The following SLC12A6 variants were observed in gnomAD, a reference collection of about 807,000 sequenced individuals.
SLC12A6 encodes K-Cl cotransporter 3.
A neutral mutation model predicts 135.3 loss-of-function variants in SLC12A6; 66 were observed. The observed-to-expected ratio is 0.49, with a 90% CI of 0.40 to 0.60. The LOEUF is 0.60. SLC12A6 is among the 20% of genes least tolerant of loss of function. SLC12A6 has a pLI of 0.00. For synonymous variants in SLC12A6, 513 were observed against 508.8 expected, an observed-to-expected ratio of 1.01 and a Z score of -0.11; for missense variants, 1,058 against 1,452.3, an observed-to-expected ratio of 0.73 and a Z score of 4.41.
At position 34,290,339 on chromosome 15, in the gene SLC12A6, G is replaced by A. The variant is rs28817583; in HGVS notation, c.272-14950C>T. Among the ~76,000 whole-genome samples the A allele has an allele frequency of 5.9e-3, 899 of 152,316 alleles. 13 individuals carry two copies. Among genetic ancestry groups the A allele is most frequent in the African/African-American group, 0.02 (849 of 41,550 alleles). Reference sequence around the variant, plus strand: ...TTAATTTGATTGCACTGTGGTCTGAGAGACAGTTTGTTGTGATTTCTGTTT... The same window carrying A: ...TTAATTTGATTGCACTGTGGTCTGAAAGACAGTTTGTTGTGATTTCTGTTT... On this transcript the variant is annotated intron_variant, in intron 2 of 25. Coordinates refer to ENST00000354181, the MANE Select transcript of SLC12A6 (RefSeq NM_001365088.1).
At chr15:34,327,404 C>T (rs746551409) in intron 2 of SLC12A6, among the ~76,000 whole-genome samples, 3 of 152,152 alleles carry the variant, frequency 2.0e-5, no homozygotes, top group Admixed American at 6.5e-5. Context: ...CAGTGGCTCA[C>T]GCCTGTAATC....
chr15:34,316,470 A>T (rs934819078), intron 2 of SLC12A6, among the ~76,000 whole-genome samples: 8 of 152,178 alleles, frequency 5.3e-5, no homozygotes, highest in African/African-American at 1.9e-4. Flanking sequence ...TTAACCTTAT[A>T]ATAAAGGCAA....
At chr15:34,290,835 T>C (rs1481406864) in intron 2 of SLC12A6, among the ~76,000 whole-genome samples, 1 of 152,234 alleles carries the variant, frequency 6.6e-6, no homozygotes, top group Non-Finnish European at 1.5e-5. Flanking sequence ...ATTTCCTTGG[T>C]AGATCTTCCT....
intron 2 of SLC12A6, among the ~76,000 whole-genome samples, chr15:34,312,649 G>C (rs896746539): frequency 1.3e-5 from 2 of 152,180 alleles, no homozygotes; most frequent in Non-Finnish European, 2.9e-5. Context: ...AAATTAAGCA[G>C]GGTTCTAATA....
rs990307667 is a variant in SLC12A6, at chr15:34,326,682, C to T, written c.271+9728G>A. ...AATCTAAGTTATTCAGAGAATATGT[C>T]ATTTTATTACTTTTTTTTTTTTTTT... is the stretch of plus-strand genomic sequence containing the variant. On this transcript the variant is annotated intron_variant, in intron 2 of 25. Transcript: ENST00000354181. Among the ~76,000 whole-genome samples, 21 of 119,952 alleles carry T rather than the reference C, an allele frequency of 1.8e-4. 1 individual carries two copies. The Admixed American group carries it at 2.2e-3, about 13-fold the overall frequency. The allele number at this position is 119,952 out of a possible 152,430, so 78.7% of individuals were successfully genotyped here.
intron 2 of SLC12A6, among the ~76,000 whole-genome samples, chr15:34,325,642 T>G (rs949812477): frequency 3.3e-5 from 5 of 152,156 alleles, no homozygotes; most frequent in Non-Finnish European, 5.9e-5. Context: ...TATAAATATA[T>G]AAAAGACATT....
intron 2 of SLC12A6, among the ~76,000 whole-genome samples, chr15:34,289,109 C>A (rs1401408711): frequency 6.6e-6 from 1 of 152,132 alleles, no homozygotes; most frequent in Non-Finnish European, 1.5e-5. Context: ...CAGTATGATA[C>A]TGGCTGTGGG....
intron 3 of SLC12A6, among the ~76,000 whole-genome samples, chr15:34,261,779 T>C (rs887428771): frequency 2.0e-5 from 3 of 152,236 alleles, no homozygotes; most frequent in Non-Finnish European, 2.9e-5. Flanking sequence ...AAGTTTTGAT[T>C]TGCATTTCTC....
rs17236798 is a variant in SLC12A6, at chr15:34,250,671, C to T, written c.1551G>A (p.Pro517=). The stretch of plus-strand genomic sequence containing the variant: ...TCAGGATGGCAAGGATAGTACCAAT[C>T]GGAATAGACTTCTGAGCATCTTTCA... ...GDLKDAQKSI[P]IGTILAILTT... is the part of the protein sequence containing the mutation. The change falls in exon 12 of 26, where the codon CCG becomes CCA. Residue 517 remains proline, a synonymous_variant. Transcript: ENST00000354181. 7.8e-5 allele frequency: 125 copies of T among 1,603,500 alleles called. No individual in the cohort carries two copies. The highest frequency in any genetic ancestry group is 3.8e-4 in the East Asian group (17 of 44,806).
chr15:34,310,799 TG>T, intron 2 of SLC12A6, among the ~76,000 whole-genome samples: 1 of 126,442 alleles, frequency 7.9e-6, no homozygotes, highest in East Asian at 2.6e-4. Flanking sequence ...TGTGTGTGTG[TG>T]TGTGTGTGTG....
At chr15:34,331,895 A>C (rs1889875328) in intron 2 of SLC12A6, among the ~76,000 whole-genome samples, 1 of 152,086 alleles carries the variant, frequency 6.6e-6, no homozygotes, top group Admixed American at 6.6e-5. Flanking sequence ...AGCCAGTCTC[A>C]AAGTTGTTAC....
At chr15:34,330,683 CAAAAACAAA>C (rs1424237816) in intron 2 of SLC12A6, among the ~76,000 whole-genome samples, 1 of 143,598 alleles carries the variant, frequency 7.0e-6, no homozygotes, top group South Asian at 2.2e-4. Flanking sequence ...AAAACAAAAA[CAAAAACAAA>C]AAAAACAAAA....
At chr15:34,331,243 G>C (rs541728479) in intron 2 of SLC12A6, among the ~76,000 whole-genome samples, 1 of 152,240 alleles carries the variant, frequency 6.6e-6, no homozygotes, top group Non-Finnish European at 1.5e-5. Flanking sequence ...CCGCCTCCCA[G>C]GTTCTCATGC....
chr15:34,326,598 T>G (rs1012720490), intron 2 of SLC12A6, among the ~76,000 whole-genome samples: 2 of 152,178 alleles, frequency 1.3e-5, no homozygotes, highest in Admixed American at 6.6e-5. Context: ...AGGCACATAA[T>G]TTGTGTAAAA....
At position 34,277,086 on chromosome 15, in the gene SLC12A6, C is replaced by T. The variant is rs544500830; in HGVS notation, c.272-1697G>A. ...TTCTAGAATATTTTCCCCAAACATA[C>T]CAGCAAGTGAATTCCCAGTTTTTAC... On this transcript the variant is annotated intron_variant, in intron 2 of 25. Transcript: ENST00000354181. Among the ~76,000 whole-genome samples the T allele has an allele frequency of 9.2e-5, 14 of 152,212 alleles. 1 individual carries two copies. The South Asian group carries it at 2.7e-3, about 29-fold the overall frequency.
intron 10 of SLC12A6, 152 bp downstream of exon 10, chr15:34,252,018 A>G (rs1349847642): frequency 2.5e-5 from 16 of 632,654 alleles, no homozygotes; most frequent in Non-Finnish European, 4.5e-5. Flanking sequence ...GGAAAAGCAG[A>G]AATATGGTGA....
In SLC12A6 at chr15:34,251,017, G is replaced by C. The variant is rs372710448; in HGVS notation, c.1374C>G (p.Ile458Met). The change falls in exon 11 of 26, where the codon ATC becomes ATG. Residue 458 changes from isoleucine to methionine, a missense_variant. Transcript: ENST00000354181. ...WSNYLPKGEI[I>M]EKPSAKSSDV... ...CAGAAGATTTGGCTGAAGGCTTTTCGATGATCTCTCCCTTGGGTAGGTAAT... is the reference window on the plus strand; with the variant it reads ...CAGAAGATTTGGCTGAAGGCTTTTCCATGATCTCTCCCTTGGGTAGGTAAT... 1 of 1,611,126 alleles carries C rather than the reference G, an allele frequency of 6.2e-7. No individual in the cohort carries two copies. The highest frequency in any genetic ancestry group is 1.1e-5 in the South Asian group (1 of 91,024).
At chr15:34,335,790 T>C (rs1890157890) in intron 2 of SLC12A6, among the ~76,000 whole-genome samples, 1 of 152,194 alleles carries the variant, frequency 6.6e-6, no homozygotes, top group African/African-American at 2.4e-5. Context: ...TCAGAGAGAA[T>C]AAATTACATG....
intron 6 of SLC12A6, among the ~76,000 whole-genome samples, chr15:34,256,934 T>C (rs1220573987): frequency 6.6e-6 from 1 of 152,146 alleles, no homozygotes; most frequent in Non-Finnish European, 1.5e-5. Flanking sequence ...AACACAGCCT[T>C]GAGGTTTTAA....
Sources: allele counts gnomAD v4.1 joint callset (sites outside exome capture counted in the v4.1 genomes callset), GRCh38; gene constraint gnomAD v4.1.1; transcripts MANE v1.5; gene names NCBI Gene and HGNC (gene_info 2026-07-23, HGNC 2026-07-21).